Variants in ACAP2 observed in about 807,000 individuals in gnomAD.
The protein encoded by ACAP2 is arf-GAP with coiled-coil, ANK repeat and PH domain-containing protein 2.
ACAP2 carries 39 observed loss-of-function variants against 115.8 expected under a neutral mutation model. The ratio of observed to expected loss-of-function variants is 0.34; its 90% CI spans 0.26 to 0.44. ACAP2 has a LOEUF of 0.44. ACAP2 is among the 20% of genes least tolerant of loss of function. The probability of loss-of-function intolerance (pLI) is 1.00; values close to 1 mark genes in which losing one functional copy is unlikely to be tolerated. For synonymous variants in ACAP2, 289 were observed against 315.8 expected (o/e 0.92, Z 0.90); for missense variants, 662 against 927.6 (o/e 0.71, Z 3.72).
intron 10 of ACAP2, among the ~76,000 whole-genome samples, chr3:195,311,084 GTTTT>G (rs1326890111): frequency 5.2e-4 from 64 of 122,626 alleles, no homozygotes; most frequent in African/African-American, 1.9e-3. Context: ...TTTCATTGTG[GTTTT>G]TTTGTTTTTT....
At chr3:195,410,093 T>C (rs895988297) in intron 1 of ACAP2, among the ~76,000 whole-genome samples, 3 of 152,050 alleles carry the variant, frequency 2.0e-5, no homozygotes, top group Non-Finnish European at 4.4e-5. Context: ...ACCTCCAGAA[T>C]AGAACACAGT....
intron 21 of ACAP2, among the ~76,000 whole-genome samples, chr3:195,288,722 G>A (rs1362554725): frequency 1.3e-5 from 2 of 152,134 alleles, no homozygotes; most frequent in Non-Finnish European, 2.9e-5. Flanking sequence ...GCAGGTTGTG[G>A]TGGATCACGC....
chr3:195,356,124 G>C (rs1284475944), intron 4 of ACAP2: 3 of 456,588 alleles, frequency 6.6e-6, no homozygotes, highest in Non-Finnish European at 1.3e-5. Context: ...TTGAATTGCT[G>C]ACCCCAGCCC....
chr3:195,441,177 ATCT>A (rs1715966510), intron 1 of ACAP2, among the ~76,000 whole-genome samples: 2 of 152,206 alleles, frequency 1.3e-5, no homozygotes, highest in Admixed American at 1.3e-4. Flanking sequence ...TCAAAGCTAC[ATCT>A]TCTAAGGGAA....
intron 1 of ACAP2, among the ~76,000 whole-genome samples, chr3:195,431,706 C>T (rs1715141891): frequency 6.6e-6 from 1 of 151,874 alleles, no homozygotes; most frequent in South Asian, 2.1e-4. Context: ...CTCGGCCTCC[C>T]AAAGTGCTGG....
In ACAP2 at chr3:195,424,247, GT is replaced by G. The variant is rs1560357231; in HGVS notation, c.53+18547del. Among the ~76,000 whole-genome samples the G allele has an allele frequency of 1.6e-3, 118 of 73,628 alleles. 2 individuals carry two copies. Among genetic ancestry groups the G allele is most frequent in the African/African-American group, 5.5e-3 (113 of 20,456 alleles). 48.3% of individuals were successfully genotyped at this position (73,628 alleles called of 152,430 possible). A position where few individuals can be genotyped will look rare whatever the true frequency, so the allele number is the denominator to read the frequency against. On this transcript the variant is annotated intron_variant, in intron 1 of 22. Transcript: ENST00000326793. ...ATATGTGTGTGTGTGTGTGTGTGGT[GT>G]GTGTGTGTGTGTGTATATATATATA... is the stretch of plus-strand genomic sequence containing the variant.
intron 13 of ACAP2, among the ~76,000 whole-genome samples, chr3:195,306,159 C>CT (rs962675319): frequency 7.6e-4 from 116 of 152,236 alleles, no homozygotes; most frequent in African/African-American, 2.6e-3. Flanking sequence ...TTATGCTTCC[C>CT]TTTTTTGCTT....
chr3:195,438,996 G>C (rs1345011120), intron 1 of ACAP2, among the ~76,000 whole-genome samples: 2 of 152,118 alleles, frequency 1.3e-5, no homozygotes, highest in Non-Finnish European at 2.9e-5. Flanking sequence ...AAGAGCCGGA[G>C]GGTGCAGTGA....
intron 13 of ACAP2, among the ~76,000 whole-genome samples, chr3:195,302,958 A>G (rs1408927439): frequency 6.6e-6 from 1 of 152,138 alleles, no homozygotes; most frequent in Non-Finnish European, 1.5e-5. Flanking sequence ...TCATGTCTGT[A>G]ATCCCAACAC....
intron 4 of ACAP2, among the ~76,000 whole-genome samples, chr3:195,351,987 C>T (rs1731642988): frequency 6.6e-6 from 1 of 152,166 alleles, no homozygotes; most frequent in Non-Finnish European, 1.5e-5. Flanking sequence ...TGCAAAACAA[C>T]ATTTGTGTAG....
intron 9 of ACAP2, among the ~76,000 whole-genome samples, chr3:195,325,978 A>C (rs1729770469): frequency 6.6e-6 from 1 of 152,148 alleles, no homozygotes; most frequent in Non-Finnish European, 1.5e-5. Flanking sequence ...CTTTCCTTTA[A>C]TTATTTTTCT....
chr3:195,329,598 C>T (rs1323179966), intron 8 of ACAP2, among the ~76,000 whole-genome samples: 1 of 152,178 alleles, frequency 6.6e-6, no homozygotes, highest in East Asian at 1.9e-4. Flanking sequence ...ATATTACCAC[C>T]TTCTGTATCT....
intron 4 of ACAP2, among the ~76,000 whole-genome samples, chr3:195,364,646 G>A (rs1424473633): frequency 1.3e-5 from 2 of 152,234 alleles, no homozygotes; most frequent in Admixed American, 1.3e-4. Context: ...GTGAGGATGT[G>A]GAGAAAAGAA....
At chr3:195,357,402 A>T (rs75010458) in intron 4 of ACAP2, among the ~76,000 whole-genome samples, 1 of 152,248 alleles carries the variant, frequency 6.6e-6, no homozygotes, top group African/African-American at 2.4e-5. Context: ...GGAATTCACC[A>T]CCCCGAAGGG....
At chr3:195,423,639 A>G (rs1045228342) in intron 1 of ACAP2, among the ~76,000 whole-genome samples, 1 of 151,778 alleles carries the variant, frequency 6.6e-6, no homozygotes, top group African/African-American at 2.4e-5. Flanking sequence ...AAAAAAAAAA[A>G]AAAGGAGTAA....
intron 2 of ACAP2, among the ~76,000 whole-genome samples, chr3:195,382,699 A>C (rs1025987191): frequency 1.3e-5 from 2 of 152,126 alleles, no homozygotes; most frequent in Admixed American, 6.5e-5. Flanking sequence ...AGAGCCAAGA[A>C]AAACTTTAGA....
At chr3:195,363,657 T>C (rs531644921) in intron 4 of ACAP2, among the ~76,000 whole-genome samples, 1 of 150,884 alleles carries the variant, frequency 6.6e-6, no homozygotes, top group African/African-American at 2.4e-5. Context: ...AAAAACAGAA[T>C]AGCCAAAACT....
intron 4 of ACAP2, among the ~76,000 whole-genome samples, chr3:195,347,054 T>C (rs1412692752): frequency 6.6e-6 from 1 of 152,018 alleles, no homozygotes; most frequent in East Asian, 1.9e-4. Flanking sequence ...GAGACCCAAC[T>C]GTATGCATCT....
chr3:195,364,811 A>G (rs1195425943), intron 4 of ACAP2, among the ~76,000 whole-genome samples: 1 of 152,206 alleles, frequency 6.6e-6, no homozygotes, highest in Non-Finnish European at 1.5e-5. Flanking sequence ...TGTGTATCAA[A>G]GAGATATATG....
Sources: allele counts gnomAD v4.1 joint callset (sites outside exome capture counted in the v4.1 genomes callset), GRCh38; gene constraint gnomAD v4.1.1; transcripts MANE v1.5; gene names NCBI Gene and HGNC (gene_info 2026-07-23, HGNC 2026-07-21).